The following TEX36 variants were observed in gnomAD, a reference collection of about 807,000 sequenced individuals.
TEX36 encodes the protein testis expressed 36, also known as testis-expressed protein 36.
Under a neutral mutation model 13.6 loss-of-function variants are expected in TEX36, and 12 were observed. That is an observed-to-expected ratio of 0.88 (90% CI 0.56 to 1.43). The LOEUF is 1.43. Ranked by LOEUF, TEX36 falls within the 40% of genes most tolerant of loss-of-function variation. The pLI is 0.00. For synonymous variants in TEX36, 93 were observed against 83.0 expected (o/e 1.12, Z -0.65); for missense variants, 224 against 228.3 (o/e 0.98, Z 0.12).
chr10:125,589,397 G>A (rs1845996183), intron 3 of TEX36, among the ~76,000 whole-genome samples: 1 of 152,154 alleles, frequency 6.6e-6, no homozygotes, highest in African/African-American at 2.4e-5. Context: ...TTAAAAAATA[G>A]GGGTGATAGT....
downstream of TEX36, among the ~76,000 whole-genome samples, chr10:125,617,781 C>A (rs1020299289): frequency 1.7e-3 from 251 of 149,220 alleles, no homozygotes; most frequent in Non-Finnish European, 3.4e-3. Context: ...TTGCTCTTCT[C>A]GAGGATTATC....
At chr10:125,583,203 A>C (rs1279066321) in intron 3 of TEX36, among the ~76,000 whole-genome samples, 1 of 152,204 alleles carries the variant, frequency 6.6e-6, no homozygotes, top group Admixed American at 6.5e-5. Context: ...AATTTCACTA[A>C]TTTGAACGGG....
chr10:125,618,055 A>G (rs1846380960), downstream of TEX36, among the ~76,000 whole-genome samples: 1 of 152,096 alleles, frequency 6.6e-6, no homozygotes, highest in South Asian at 2.1e-4. Context: ...CATCGCTGAT[A>G]CCCTTTCTTC....
chr10:125,605,794 G>A (rs1846208766), intron 3 of TEX36, among the ~76,000 whole-genome samples: 1 of 151,916 alleles, frequency 6.6e-6, no homozygotes, highest in South Asian at 2.1e-4. Flanking sequence ...TAGAGACGGG[G>A]TTTCACCATG....
At chr10:125,592,906 A>G (rs972334202) in intron 3 of TEX36, among the ~76,000 whole-genome samples, 1 of 152,216 alleles carries the variant, frequency 6.6e-6, no homozygotes, top group Non-Finnish European at 1.5e-5. Flanking sequence ...TGAGGTATGG[A>G]GGAAGGGGCA....
intron 1 of TEX36, among the ~76,000 whole-genome samples, chr10:125,666,439 G>T (rs1333130218): frequency 6.6e-6 from 1 of 152,092 alleles, no homozygotes; most frequent in Non-Finnish European, 1.5e-5. Flanking sequence ...TGCTTTTTCT[G>T]TGCCTATTGA....
intron 1 of TEX36, among the ~76,000 whole-genome samples, chr10:125,679,205 G>A (rs1847358626): frequency 7.2e-6 from 1 of 139,530 alleles, no homozygotes; most frequent in Admixed American, 8.3e-5. Flanking sequence ...TCACACCCCA[G>A]TCTCCTGGCA....
At chr10:125,620,241 C>A (rs970420279), downstream of TEX36, among the ~76,000 whole-genome samples, 2 of 152,192 alleles carry the variant, frequency 1.3e-5, no homozygotes, top group Admixed American at 6.5e-5. Flanking sequence ...TTACCCATCT[C>A]AACAAATCCT....
At chr10:125,657,014 C>A (rs1168577153) in intron 3 of TEX36, among the ~76,000 whole-genome samples, 1 of 151,904 alleles carries the variant, frequency 6.6e-6, no homozygotes, top group African/African-American at 2.4e-5. Context: ...CAGGCTTCCT[C>A]ATTCACTCTC....
intron 3 of TEX36, among the ~76,000 whole-genome samples, chr10:125,588,542 G>A (rs920837695): frequency 6.6e-6 from 1 of 152,210 alleles, no homozygotes; most frequent in African/African-American, 2.4e-5. Flanking sequence ...AATGCAGCAT[G>A]TGATGTGAGT....
downstream of TEX36, among the ~76,000 whole-genome samples, chr10:125,651,305 A>G (rs1331499295): frequency 6.6e-6 from 1 of 152,164 alleles, no homozygotes; most frequent in African/African-American, 2.4e-5. Flanking sequence ...ACCATGATCA[A>G]GTTGGCTTCA....
chr10:125,621,827 G>C (rs1215798169), intron 3 of TEX36, among the ~76,000 whole-genome samples: 2 of 152,170 alleles, frequency 1.3e-5, no homozygotes, highest in Non-Finnish European at 2.9e-5. Flanking sequence ...GACAGGAGGA[G>C]TGGGAGGAAG....
At chr10:125,651,748 C>A (rs924293142), downstream of TEX36, among the ~76,000 whole-genome samples, 9 of 152,090 alleles carry the variant, frequency 5.9e-5, no homozygotes, top group African/African-American at 9.7e-5. Context: ...TTAGAAAACC[C>A]CATCATCTCA....
intron 3 of TEX36, among the ~76,000 whole-genome samples, chr10:125,632,105 G>A (rs1846564547): frequency 6.6e-6 from 1 of 152,078 alleles, no homozygotes; most frequent in Non-Finnish European, 1.5e-5. Context: ...GAATGGCAGG[G>A]TGTGGGCAAG....
chr10:125,621,707 G>A lies in TEX36; in HGVS notation c.265-62C>T, dbSNP rs888762981. ...GTCTGAAAGCCTCAAACCCAGGGAA[G>A]CCAACAGTGTAGCCTTCCATCTGTG... On this transcript the variant is annotated intron_variant, in intron 3 of 3. Transcript: ENST00000526819. The A allele has an allele frequency of 4.8e-5, 22 of 455,448 alleles. No homozygotes were observed. In the Admixed American group the frequency reaches 4.9e-4, roughly 10 times the overall value. 28.2% of individuals were successfully genotyped at this position (455,448 alleles called of 1,614,324 possible).
chr10:125,600,589 A>G (rs1337326232), intron 3 of TEX36, among the ~76,000 whole-genome samples: 1 of 152,156 alleles, frequency 6.6e-6, no homozygotes, highest in Non-Finnish European at 1.5e-5. Flanking sequence ...CCTACATGCT[A>G]CATTTGTGGA....
At chr10:125,592,941 G>T (rs1205908843) in intron 3 of TEX36, among the ~76,000 whole-genome samples, 1 of 152,174 alleles carries the variant, frequency 6.6e-6, no homozygotes, top group Non-Finnish European at 1.5e-5. Context: ...CCTCTCAGGG[G>T]CAACACCCTC....
At chr10:125,623,557 C>T (rs1010230819) in intron 3 of TEX36, among the ~76,000 whole-genome samples, 6 of 150,100 alleles carry the variant, frequency 4.0e-5, no homozygotes, top group Non-Finnish European at 8.9e-5. Context: ...GAAATATCCC[C>T]AGGATTGACT....
intron 3 of TEX36, among the ~76,000 whole-genome samples, chr10:125,638,099 C>T (rs1378166665): frequency 6.6e-6 from 1 of 152,026 alleles, no homozygotes. Context: ...CCAACTGCCT[C>T]CTTCCCCACT....
Sources: allele counts gnomAD v4.1 joint callset (sites outside exome capture counted in the v4.1 genomes callset), GRCh38; gene constraint gnomAD v4.1.1; transcripts MANE v1.5; gene names NCBI Gene and HGNC (gene_info 2026-07-23, HGNC 2026-07-21).